Variants in SGPP1 observed in about 807,000 individuals in gnomAD.
SGPP1 encodes the protein sphingosine-1-phosphate phosphatase 1.
SGPP1 carries 21 observed loss-of-function variants against 33.0 expected under a neutral mutation model. The ratio of observed to expected loss-of-function variants is 0.64; its 90% confidence interval spans 0.45 to 0.92. SGPP1 has a LOEUF of 0.92. Among genes scored for constraint, SGPP1 ranks in the 40% least tolerant of loss-of-function variants. The probability of loss-of-function intolerance (pLI) is 0.00; values close to 1 mark genes in which losing one functional copy is unlikely to be tolerated. For synonymous variants in SGPP1, 239 were observed against 241.2 expected (o/e 0.99, Z 0.08); for missense variants, 543 against 589.4 (o/e 0.92, Z 0.81).
At chr14:63,707,063 T>G (rs138589547) in intron 1 of SGPP1, among the ~76,000 whole-genome samples, 10 of 141,034 alleles carry the variant, frequency 7.1e-5, no homozygotes, top group African/African-American at 2.4e-4. Flanking sequence ...AAAAAAAAAC[T>G]GACCCATATA....
intron 1 of SGPP1, among the ~76,000 whole-genome samples, chr14:63,700,787 T>C (rs574123399): frequency 2.0e-5 from 3 of 152,270 alleles, no homozygotes; most frequent in Admixed American, 1.3e-4. Context: ...GCAACTAATT[T>C]TGGCCAGTGA....
chr14:63,702,996 C>G (rs60770727), intron 1 of SGPP1, among the ~76,000 whole-genome samples: 7,261 of 152,096 alleles, frequency 0.048, 594 homozygotes, highest in African/African-American at 0.17. Flanking sequence ...TGACTACTAT[C>G]CACAGTTTCA....
At chr14:63,725,755 C>A (rs1199702961) in intron 1 of SGPP1, among the ~76,000 whole-genome samples, 2 of 152,148 alleles carry the variant, frequency 1.3e-5, no homozygotes, top group African/African-American at 2.4e-5. Context: ...GCTATTTTCT[C>A]TTACTTTGAC....
intron 1 of SGPP1, among the ~76,000 whole-genome samples, chr14:63,713,892 T>G (rs1885570757): frequency 6.6e-6 from 1 of 152,170 alleles, no homozygotes; most frequent in African/African-American, 2.4e-5. Context: ...CAGAGGAGAT[T>G]AGTGTATGAG....
At chr14:63,717,337 C>T (rs192554354) in intron 1 of SGPP1, among the ~76,000 whole-genome samples, 298 of 142,262 alleles carry the variant, frequency 2.1e-3, no homozygotes, top group African/African-American at 7.3e-3. Context: ...TTTTTTGAGA[C>T]GGAGTCTCAC....
chr14:63,719,377 C>CA, intron 1 of SGPP1, among the ~76,000 whole-genome samples: 1 of 151,856 alleles, frequency 6.6e-6, no homozygotes. Context: ...TAACATACTG[C>CA]AACACTGAAA....
chr14:63,707,913 T>C lies in SGPP1; in HGVS notation c.685-9255A>G, dbSNP rs117364525. 1.3e-3 allele frequency among the ~76,000 whole-genome samples: 198 copies of C among 152,292 alleles called. 2 individuals are homozygous for C. The East Asian group carries it at 0.032, about 24-fold the overall frequency. ...CTAGTCTGTGGTGACAATAGTTGTA[T>C]AGCTGCCTCGGCACTCAGGAAAAAG... On this transcript the variant is annotated intron_variant, in intron 1 of 2. Transcript: ENST00000247225.
rs1453503430 is a variant in SGPP1, at chr14:63,685,143, T to G, written c.*962A>C. 5.3e-5 allele frequency: 8 copies of G among 152,340 alleles called. No individual in the cohort carries two copies. The allele number at this position is 152,340 out of a possible 1,614,324, so 9.4% of individuals were successfully genotyped here. A position where few individuals can be genotyped will look rare whatever the true frequency, so the allele number is the denominator to read the frequency against. On this transcript the variant is annotated 3_prime_UTR_variant, in exon 3 of 3. Coordinates refer to ENST00000247225, the MANE Select transcript of SGPP1 (RefSeq NM_030791.4). The stretch of plus-strand genomic sequence containing the variant: ...CTACAAAAAGGGAAGTATTTATCCA[T>G]TTAGCTTTCTAATAAATTGGTGAGA...
chr14:63,691,312 A>C (rs914744347), intron 2 of SGPP1, among the ~76,000 whole-genome samples: 2 of 152,232 alleles, frequency 1.3e-5, no homozygotes, highest in Non-Finnish European at 1.5e-5. Flanking sequence ...AGGACATATA[A>C]AGCATTTCAT....
intron 1 of SGPP1, among the ~76,000 whole-genome samples, chr14:63,718,998 ATATATATATATATATATTTTTTTTT>A (rs1885699785): frequency 1.4e-4 from 3 of 21,080 alleles, no homozygotes; most frequent in African/African-American, 4.7e-4. Flanking sequence ...ATATATATAT[ATATATATATATATATATTTTTTTTT>A]TTTTTTTTTT....
At chr14:63,687,203 G>C (rs1211349983) in intron 2 of SGPP1, among the ~76,000 whole-genome samples, 1 of 152,166 alleles carries the variant, frequency 6.6e-6, no homozygotes, top group Non-Finnish European at 1.5e-5. Flanking sequence ...CCCTTTGGGA[G>C]GCTGAGGTGG....
intron 2 of SGPP1, among the ~76,000 whole-genome samples, chr14:63,691,599 A>G (rs1446247555): frequency 6.6e-6 from 1 of 152,140 alleles, no homozygotes; most frequent in Non-Finnish European, 1.5e-5. Context: ...CAGGAAACCA[A>G]AAGTTCATAA....
intron 2 of SGPP1, among the ~76,000 whole-genome samples, chr14:63,697,455 C>T (rs928791593): frequency 1.3e-5 from 2 of 152,114 alleles, no homozygotes; most frequent in Admixed American, 6.5e-5. Flanking sequence ...TGAATTCTTC[C>T]ACCTTTTTTT....
At chr14:63,713,433 A>C (rs1885562139) in intron 1 of SGPP1, among the ~76,000 whole-genome samples, 1 of 152,192 alleles carries the variant, frequency 6.6e-6, no homozygotes, top group African/African-American at 2.4e-5. Context: ...GGGACTGGCA[A>C]AGCTTTTTGT....
At position 63,700,076 on chromosome 14, in the gene SGPP1, C is replaced by A. The variant is rs1366601945; in HGVS notation, c.685-1418G>T. The stretch of plus-strand genomic sequence containing the variant: ...CTCCCAGGCTCAAGCAATCCTCCTG[C>A]CTCAGCCTCCCGAGCAGCTAGGACT... On this transcript the variant is annotated intron_variant, in intron 1 of 2. Transcript: ENST00000247225. Among the ~76,000 whole-genome samples the A allele has an allele frequency of 2.0e-5, 3 of 152,140 alleles. No individual in the cohort carries two copies. The East Asian group carries it at 5.8e-4, about 29-fold the overall frequency.
At chr14:63,722,217 G>T (rs757627129) in intron 1 of SGPP1, among the ~76,000 whole-genome samples, 3 of 152,058 alleles carry the variant, frequency 2.0e-5, no homozygotes, top group South Asian at 2.1e-4. Context: ...CTGATTCATA[G>T]TAAGTGCTTA....
At chr14:63,695,169 G>A (rs982139970) in intron 2 of SGPP1, among the ~76,000 whole-genome samples, 14 of 152,230 alleles carry the variant, frequency 9.2e-5, no homozygotes, top group African/African-American at 3.1e-4. Flanking sequence ...CCATTCTCCT[G>A]CCTCAGCCTC....
intron 1 of SGPP1, among the ~76,000 whole-genome samples, chr14:63,712,309 C>G (rs1885539499): frequency 6.6e-6 from 1 of 152,124 alleles, no homozygotes; most frequent in African/African-American, 2.4e-5. Flanking sequence ...CTCTTACTTT[C>G]ACTTCTGGCT....
At chr14:63,693,838 T>C (rs1454105182) in intron 2 of SGPP1, among the ~76,000 whole-genome samples, 1 of 152,208 alleles carries the variant, frequency 6.6e-6, no homozygotes, top group Non-Finnish European at 1.5e-5. Context: ...GGTCTTGAAC[T>C]CCTCCCACCT....
Sources: allele counts gnomAD v4.1 joint callset (sites outside exome capture counted in the v4.1 genomes callset), GRCh38; gene constraint gnomAD v4.1.1; transcripts MANE v1.5; gene names NCBI Gene and HGNC (gene_info 2026-07-23, HGNC 2026-07-21).